FSTL4: variants seen among roughly 807,000 people sequenced by gnomAD.
FSTL4 encodes the protein follistatin like 4.
A neutral mutation model predicts 78.2 loss-of-function variants in FSTL4; 28 were observed. The observed-to-expected ratio is 0.36, with a 90% CI of 0.27 to 0.49. The LOEUF (loss-of-function observed/expected upper bound fraction) is 0.49, where lower values mean the gene tolerates loss of function less well. Ranked by LOEUF, FSTL4 falls within the 20% of genes least tolerant of loss-of-function variation. The pLI, the probability that FSTL4 is intolerant of heterozygous loss-of-function variation, is 0.98. For synonymous variants in FSTL4, 422 were observed against 440.5 expected (o/e 0.96, Z 0.53); for missense variants, 922 against 1,084.9 (o/e 0.85, Z 2.11).
At chr5:133,431,132 C>G (rs1431143546) in intron 3 of FSTL4, among the ~76,000 whole-genome samples, 1 of 152,180 alleles carries the variant, frequency 6.6e-6, no homozygotes, top group Non-Finnish European at 1.5e-5. Context: ...ATTCCCCCAG[C>G]AGACAGTGGT....
At chr5:133,252,147 G>C (rs1752267242) in intron 6 of FSTL4, 1 of 152,250 alleles carries the variant, frequency 6.6e-6, no homozygotes, top group African/African-American at 2.4e-5. Context: ...AAAATCGTCA[G>C]CTCGTGCTAA....
At chr5:133,788,505 G>A in the FSTL4 span, among the ~76,000 whole-genome samples, 1 of 152,146 alleles carries the variant, frequency 6.6e-6, no homozygotes, top group East Asian at 1.9e-4. Flanking sequence ...AACTGGCCAC[G>A]GCCCTGATGG....
intron 3 of FSTL4, among the ~76,000 whole-genome samples, chr5:133,444,867 C>T (rs150394534): frequency 1.3e-5 from 2 of 152,358 alleles, no homozygotes; most frequent in Non-Finnish European, 2.9e-5. Context: ...CTCCTTCCAG[C>T]TTCCATTTCT....
At chr5:133,814,335 C>G in the FSTL4 span, among the ~76,000 whole-genome samples, 7 of 152,180 alleles carry the variant, frequency 4.6e-5, no homozygotes, top group African/African-American at 1.7e-4. Context: ...TCTTCCAGTG[C>G]TCAGCATAAC....
the FSTL4 span, among the ~76,000 whole-genome samples, chr5:133,727,856 C>T: frequency 6.6e-6 from 1 of 152,186 alleles, no homozygotes; most frequent in Non-Finnish European, 1.5e-5. Flanking sequence ...TCAGGGGAGC[C>T]AAGAGCACGA....
chr5:133,574,616 C>T (rs1200269874), intron 2 of FSTL4, among the ~76,000 whole-genome samples: 2 of 152,196 alleles, frequency 1.3e-5, no homozygotes, highest in Non-Finnish European at 2.9e-5. Flanking sequence ...AACAGAAGTA[C>T]ATTCATGTGA....
intron 3 of FSTL4, among the ~76,000 whole-genome samples, chr5:133,487,744 T>C (rs927032011): frequency 5.3e-5 from 8 of 152,218 alleles, no homozygotes; most frequent in Admixed American, 4.6e-4. Context: ...AGGATGGTGC[T>C]GACCACCCCC....
At chr5:133,777,265 T>C in the FSTL4 span, among the ~76,000 whole-genome samples, 3 of 152,182 alleles carry the variant, frequency 2.0e-5, no homozygotes, top group Non-Finnish European at 2.9e-5. Context: ...AAAGTTTTTA[T>C]GACAAAATGT....
At chr5:133,718,286 G>T in the FSTL4 span, among the ~76,000 whole-genome samples, 2 of 152,026 alleles carry the variant, frequency 1.3e-5, no homozygotes, top group Admixed American at 1.3e-4. Context: ...TCACTATGTT[G>T]GCCAGGGTGG....
chr5:133,783,424 G>T, the FSTL4 span, among the ~76,000 whole-genome samples: 3 of 152,144 alleles, frequency 2.0e-5, no homozygotes, highest in East Asian at 5.8e-4. Flanking sequence ...CCTCTCAAAG[G>T]CATCCTGGTT....
intron 4 of FSTL4, among the ~76,000 whole-genome samples, chr5:133,333,224 TA>T (rs1754388115): frequency 6.6e-6 from 1 of 152,166 alleles, no homozygotes; most frequent in Non-Finnish European, 1.5e-5. Flanking sequence ...GGAGCAGGGA[TA>T]AAGGTTTTGG....
the FSTL4 span, among the ~76,000 whole-genome samples, chr5:133,618,284 G>C: frequency 6.6e-6 from 1 of 152,178 alleles, no homozygotes; most frequent in Non-Finnish European, 1.5e-5. Context: ...ATTGACTGCA[G>C]GTAACTAAAC....
At chr5:133,311,044 C>T (rs1179095853) in intron 6 of FSTL4, among the ~76,000 whole-genome samples, 1 of 152,146 alleles carries the variant, frequency 6.6e-6, no homozygotes, top group East Asian at 1.9e-4. Context: ...TCCCCCCTTC[C>T]CCTTTTTGGT....
intron 11 of FSTL4, among the ~76,000 whole-genome samples, chr5:133,221,529 C>G (rs1029455543): frequency 1.3e-5 from 2 of 150,852 alleles, no homozygotes; most frequent in African/African-American, 2.4e-5. Flanking sequence ...TCTAAGCAAA[C>G]CAGCTGAGAA....
chr5:133,628,932 A>G, the FSTL4 span, among the ~76,000 whole-genome samples: 1 of 120,044 alleles, frequency 8.3e-6, no homozygotes. Context: ...AAACAGAGAC[A>G]ACTTGACTTC....
chr5:133,595,525 G>C (rs1193825318), intron 2 of FSTL4, among the ~76,000 whole-genome samples: 1 of 152,346 alleles, frequency 6.6e-6, no homozygotes, highest in East Asian at 1.9e-4. Flanking sequence ...CCACTCCACT[G>C]GAAAGAGGAC....
At chr5:133,456,228 T>C (rs1272223342) in intron 3 of FSTL4, among the ~76,000 whole-genome samples, 2 of 152,194 alleles carry the variant, frequency 1.3e-5, no homozygotes. Flanking sequence ...GACTCACACA[T>C]GCACATACAC....
chr5:133,597,138 C>T (rs1760754790), intron 2 of FSTL4, among the ~76,000 whole-genome samples: 2 of 152,122 alleles, frequency 1.3e-5, no homozygotes, highest in Non-Finnish European at 2.9e-5. Context: ...GCTCCACCTC[C>T]CAGGTGGCTG....
the FSTL4 span, among the ~76,000 whole-genome samples, chr5:133,798,406 T>A: frequency 5.3e-5 from 8 of 151,964 alleles, no homozygotes; most frequent in South Asian, 1.2e-3. Context: ...GAAGTTTTTT[T>A]AAAAAATGCC....
Sources: gnomAD v4.1 joint callset for allele counts (sites outside exome capture counted in the v4.1 genomes callset) on GRCh38, gnomAD v4.1.1 for gene constraint, MANE v1.5 for transcripts, NCBI Gene and HGNC (gene_info 2026-07-23, HGNC 2026-07-21) for gene names.